PLEKHG7: variants seen among roughly 807,000 people sequenced by gnomAD.
PLEKHG7 encodes the protein pleckstrin homology domain-containing family G member 7.
Under a neutral mutation model 85.2 loss-of-function variants are expected in PLEKHG7, and 77 were observed. The observed-to-expected ratio is 0.90, with a 90% confidence interval of 0.75 to 1.09. The LOEUF is 1.09. PLEKHG7 is among the 50% of genes least tolerant of loss of function. The probability of loss-of-function intolerance (pLI) is 0.00; values close to 1 mark genes in which losing one functional copy is unlikely to be tolerated. For missense variants in PLEKHG7, 777 were observed against 804.3 expected, an observed-to-expected ratio of 0.97 and a Z score of 0.41; for synonymous variants, 301 against 302.4, an observed-to-expected ratio of 1.00 and a Z score of 0.05.
intron 3 of PLEKHG7, among the ~76,000 whole-genome samples, chr12:92,722,761 G>C (rs1334690640): frequency 1.3e-5 from 2 of 152,154 alleles, no homozygotes; most frequent in African/African-American, 2.4e-5. Context: ...TTATGTTCCA[G>C]AACGGAAAAA....
chr12:92,751,532 A>ATTT (rs34430958), intron 10 of PLEKHG7, among the ~76,000 whole-genome samples: 162 of 147,988 alleles, frequency 1.1e-3, no homozygotes, highest in African/African-American at 3.0e-3. Flanking sequence ...TGCCTGGCTA[A>ATTT]TTTTTTTTTT....
chr12:92,713,429 C>A (rs1022095538), intron 3 of PLEKHG7, among the ~76,000 whole-genome samples: 2 of 152,146 alleles, frequency 1.3e-5, no homozygotes, highest in African/African-American at 2.4e-5. Flanking sequence ...TTCTGATTGC[C>A]GCTTTGCCTC....
chr12:92,732,538 A>G (rs1872022740), intron 5 of PLEKHG7, among the ~76,000 whole-genome samples: 2 of 152,242 alleles, frequency 1.3e-5, no homozygotes, highest in Non-Finnish European at 2.9e-5. Flanking sequence ...GTGATGCTTT[A>G]CAACACTAAA....
Position 92,707,376 on chromosome 12 carries a change from G to A in PLEKHG7, c.507+238G>A, listed in dbSNP as rs536812902. The A allele has an allele frequency of 1.2e-4, 166 of 1,427,754 alleles. No homozygotes were observed. In the African/African-American group the frequency reaches 2.2e-3, roughly 19 times the overall value. The allele number at this position is 1,427,754 out of a possible 1,614,324, so 88.4% of individuals were successfully genotyped here. ...TTTCTTCTGTCCTTAGAGGCACTTT[G>A]AGAAAGGATGCACCAAGGCCAGGCT... On this transcript the variant is annotated intron_variant, in intron 2 of 16. Transcript: ENST00000344636.
At chr12:92,736,977 T>TAA in intron 6 of PLEKHG7, among the ~76,000 whole-genome samples, 1 of 152,322 alleles carries the variant, frequency 6.6e-6, no homozygotes, top group South Asian at 2.1e-4. Context: ...TTAATTTCAA[T>TAA]AAGTTTTGCC....
intron 10 of PLEKHG7, among the ~76,000 whole-genome samples, chr12:92,746,498 G>C (rs1473163157): frequency 6.6e-6 from 1 of 152,188 alleles, no homozygotes; most frequent in Non-Finnish European, 1.5e-5. Flanking sequence ...CAGCCCTTTA[G>C]TGTTTTTTTT....
At chr12:92,763,111 T>C (rs968451699) in intron 14 of PLEKHG7, among the ~76,000 whole-genome samples, 1 of 152,194 alleles carries the variant, frequency 6.6e-6, no homozygotes, top group Non-Finnish European at 1.5e-5. Context: ...GCAGCCCATG[T>C]TGATAATATA....
rs1028017308 is a variant in PLEKHG7, at chr12:92,707,329, G to A, written c.507+191G>A. 6 of 1,429,018 alleles carry A rather than the reference G, an allele frequency of 4.2e-6. No homozygotes were observed. In the African/African-American group the frequency reaches 5.7e-5, roughly 14 times the overall value. The allele number at this position is 1,429,018 out of a possible 1,614,324, so 88.5% of individuals were successfully genotyped here. ...GAAAGGAGGGCAGCAATCTGGGGAG[G>A]AAAGAAAATGATCTCGCTCACTTTC... On this transcript the variant is annotated intron_variant, in intron 2 of 16. Transcript: ENST00000344636.
chr12:92,763,704 T>C (rs1239185592), intron 14 of PLEKHG7, among the ~76,000 whole-genome samples: 1 of 151,938 alleles, frequency 6.6e-6, no homozygotes, highest in Non-Finnish European at 1.5e-5. Context: ...TAGTCCCAGC[T>C]ACTTGAGAGG....
intron 13 of PLEKHG7, 109 bp from the exon 14 acceptor site, chr12:92,761,643 A>AAGAAAGAAAGAAAGAAAGG (rs1565797583): frequency 9.8e-5 from 52 of 533,052 alleles, no homozygotes; most frequent in Non-Finnish European, 1.4e-4. Context: ...AGAAAGAAAG[A>AAGAAAGAAAGAAAGAAAGG]AAGAAAGAAA....
At chr12:92,764,360 G>A (rs147163368) in intron 15 of PLEKHG7, among the ~76,000 whole-genome samples, 166 bp downstream of exon 15, 10 of 152,218 alleles carry the variant, frequency 6.6e-5, no homozygotes, top group East Asian at 1.9e-4. Context: ...TATGGTGTCC[G>A]GTGCTTGAGT....
chr12:92,762,692 TCTTCAACAGTCA>T (rs377764425), intron 14 of PLEKHG7, among the ~76,000 whole-genome samples: 5 of 152,332 alleles, frequency 3.3e-5, no homozygotes, highest in African/African-American at 1.2e-4. Context: ...GAACGCAATG[TCTTCAACAGTCA>T]GAGATACCTA....
chr12:92,738,201 C>G (rs549310351), intron 7 of PLEKHG7, among the ~76,000 whole-genome samples: 1 of 152,206 alleles, frequency 6.6e-6, no homozygotes, highest in South Asian at 2.1e-4. Context: ...AAATAGCACC[C>G]CTATGGTCGC....
At chr12:92,748,549 A>G (rs528342576) in intron 10 of PLEKHG7, among the ~76,000 whole-genome samples, 104 of 152,160 alleles carry the variant, frequency 6.8e-4, no homozygotes, top group African/African-American at 2.3e-3. Flanking sequence ...CACCCAGCTC[A>G]CATGATGCTT....
intron 2 of PLEKHG7, 130 bp downstream of exon 2, chr12:92,707,268 G>T (rs1196963242): frequency 6.9e-7 from 1 of 1,441,344 alleles, no homozygotes; most frequent in Non-Finnish European, 9.1e-7. Flanking sequence ...CACACTGAGG[G>T]GACACATTCT....
chr12:92,772,109 C>T lies in PLEKHG7; in HGVS notation c.*1914C>T, dbSNP rs1485036200. The T allele has an allele frequency of 6.6e-6, 1 of 151,488 alleles. No individual in the cohort carries two copies. The highest frequency in any genetic ancestry group is 1.5e-5 in the Non-Finnish European group (1 of 67,770). The allele number at this position is 151,488 out of a possible 1,614,324, so 9.4% of individuals were successfully genotyped here. Reference sequence around the variant, plus strand: ...CCCAGGAAGAAAAAATAGCAAAAAACAATGGCACATTGGGCCTTCCAAAAA... The same window carrying T: ...CCCAGGAAGAAAAAATAGCAAAAAATAATGGCACATTGGGCCTTCCAAAAA... On this transcript the variant is annotated 3_prime_UTR_variant, in exon 17 of 17. Coordinates refer to ENST00000344636, the MANE Select transcript of PLEKHG7 (RefSeq NM_001377329.1).
intron 14 of PLEKHG7, among the ~76,000 whole-genome samples, chr12:92,763,303 T>A (rs983144865): frequency 6.6e-6 from 1 of 152,200 alleles, no homozygotes; most frequent in Non-Finnish European, 1.5e-5. Context: ...CAATTATTCA[T>A]AAATTCTAGA....
At chr12:92,745,080 T>C (rs751450692) in intron 9 of PLEKHG7, among the ~76,000 whole-genome samples, 2 of 152,194 alleles carry the variant, frequency 1.3e-5, no homozygotes, top group Non-Finnish European at 2.9e-5. Flanking sequence ...TTACTATCAA[T>C]ACAAGCTTAA....
chr12:92,721,930 TG>T (rs1269543189), intron 3 of PLEKHG7, among the ~76,000 whole-genome samples: 3 of 151,976 alleles, frequency 2.0e-5, no homozygotes, highest in African/African-American at 7.3e-5. Flanking sequence ...CTCTTCACAC[TG>T]GGCACCCCTA....
Sources: allele counts gnomAD v4.1 joint callset (sites outside exome capture counted in the v4.1 genomes callset), GRCh38; gene constraint gnomAD v4.1.1; transcripts MANE v1.5; gene names NCBI Gene and HGNC (gene_info 2026-07-23, HGNC 2026-07-21).